The following CREG2 variants were observed in gnomAD, a reference collection of about 807,000 sequenced individuals.
The protein encoded by CREG2 is cellular repressor of E1A stimulated genes 2.
In CREG2, 24 loss-of-function variants were observed where a neutral mutation model predicts 26.2. The observed-to-expected ratio is 0.92, with a 90% CI of 0.66 to 1.29. The LOEUF (loss-of-function observed/expected upper bound fraction) is 1.29, where lower values mean the gene tolerates loss of function less well. Ranked by LOEUF, CREG2 falls within the 50% of genes most tolerant of loss-of-function variation. The pLI is 0.00. For missense variants in CREG2, 366 were observed against 398.6 expected, an observed-to-expected ratio of 0.92 and a Z score of 0.70; for synonymous variants, 174 against 169.2, an observed-to-expected ratio of 1.03 and a Z score of -0.22.
chr2:101,354,425 G>C (rs780207375), intron 3 of CREG2, among the ~76,000 whole-genome samples: 2 of 152,086 alleles, frequency 1.3e-5, no homozygotes, highest in East Asian at 1.9e-4. Flanking sequence ...TCCTTACAAG[G>C]CTTGCTTATT....
At chr2:101,355,662 G>A (rs958802376) in intron 2 of CREG2, among the ~76,000 whole-genome samples, 16 of 151,886 alleles carry the variant, frequency 1.1e-4, no homozygotes, top group Admixed American at 3.3e-4. Flanking sequence ...AAATTGAGAC[G>A]GGAAAGTTCC....
At chr2:101,377,449 A>G (rs1009241566) in intron 2 of CREG2, among the ~76,000 whole-genome samples, 1 of 152,172 alleles carries the variant, frequency 6.6e-6, no homozygotes, top group African/African-American at 2.4e-5. Context: ...AACTCATGCT[A>G]TTCAAGGCTG....
At chr2:101,375,810 G>C (rs1343554352) in intron 2 of CREG2, 1 of 154,092 alleles carries the variant, frequency 6.5e-6, no homozygotes, top group Non-Finnish European at 1.4e-5. Context: ...TTTACTCCTG[G>C]ACCTGCTCCC....
chr2:101,362,468 G>C (rs1406651380), intron 2 of CREG2, among the ~76,000 whole-genome samples: 2 of 152,110 alleles, frequency 1.3e-5, no homozygotes. Context: ...TAATTACAGG[G>C]CTTCAAGTTT....
chr2:101,387,122 C>T lies in CREG2; in HGVS notation c.336G>A (p.Gln112=), dbSNP rs1303877396. ...GMFSYRREGG[Q]TASAPPGPRL... The stretch of plus-strand genomic sequence containing the variant: ...TAGGGCCCGGGGGCGCACTGGCCGT[C>T]TGGCCGCCCTCGCGCCGGTAGGAGA... Residue 112 remains glutamine, a synonymous_variant, in exon 1 of 4, where the codon CAG becomes CAA. Transcript: ENST00000324768. This position sits in a 1 kb window ranked among gnomAD's most constrained non-coding sequence, Gnocchi z 4.7. 12 of 1,244,702 alleles carry T rather than the reference C, an allele frequency of 9.6e-6. No individual in the cohort carries two copies. Among genetic ancestry groups the T allele is most frequent in the African/African-American group, 1.6e-5 (1 of 64,302 alleles). The allele number at this position is 1,244,702 out of a possible 1,614,324, so 77.1% of individuals were successfully genotyped here. A position where few individuals can be genotyped will look rare whatever the true frequency, so the allele number is the denominator to read the frequency against.
chr2:101,379,318 A>T (rs1317248689), intron 2 of CREG2, among the ~76,000 whole-genome samples: 1 of 152,240 alleles, frequency 6.6e-6, no homozygotes, highest in Non-Finnish European at 1.5e-5. Flanking sequence ...TGACAGATTC[A>T]TTTAAAAACT....
At chr2:101,376,538 C>T (rs1684793873) in intron 2 of CREG2, among the ~76,000 whole-genome samples, 1 of 152,118 alleles carries the variant, frequency 6.6e-6, no homozygotes, top group African/African-American at 2.4e-5. Context: ...CCTCGGCCTC[C>T]CAAATTGTTG....
intron 2 of CREG2, among the ~76,000 whole-genome samples, chr2:101,363,806 T>C (rs946647199): frequency 2.0e-5 from 3 of 151,686 alleles, no homozygotes; most frequent in Non-Finnish European, 2.9e-5. Flanking sequence ...GCTATGATCA[T>C]GCCATTGCAC....
chr2:101,381,770 C>T (rs954933010), intron 2 of CREG2, among the ~76,000 whole-genome samples: 12 of 152,216 alleles, frequency 7.9e-5, no homozygotes, highest in South Asian at 4.1e-4. Context: ...CCTCCAGCCT[C>T]GAGCTGCCTC....
intron 2 of CREG2, among the ~76,000 whole-genome samples, chr2:101,355,576 A>G (rs368203851): frequency 0.044 from 6,663 of 152,200 alleles, 196 homozygotes; most frequent in Non-Finnish European, 0.066. Flanking sequence ...TGTAGGTTAG[A>G]TATCAGTCTG....
chr2:101,383,510 A>G, intron 2 of CREG2, 23 bp downstream of exon 2: 1 of 1,612,550 alleles, frequency 6.2e-7, no homozygotes, highest in Non-Finnish European at 8.5e-7. Flanking sequence ...GACCCGTGTG[A>G]GTGAGGGCAA....
intron 3 of CREG2, among the ~76,000 whole-genome samples, chr2:101,352,145 G>A (rs968179054): frequency 2.6e-5 from 4 of 151,986 alleles, no homozygotes; most frequent in African/African-American, 7.3e-5. Flanking sequence ...GCCTTCCAAA[G>A]TGCTGGAATT....
intron 3 of CREG2, among the ~76,000 whole-genome samples, chr2:101,354,650 G>A (rs946108988): frequency 2.0e-5 from 3 of 152,126 alleles, no homozygotes; most frequent in Admixed American, 2.0e-4. Flanking sequence ...GTGCATGCGC[G>A]GTCCTCTGCT....
At chr2:101,355,215 G>T in intron 3 of CREG2, 38 bp downstream of exon 3, 2 of 1,287,690 alleles carry the variant, frequency 1.6e-6, no homozygotes, top group Non-Finnish European at 2.3e-6. Context: ...TTAGTATTGT[G>T]TATTTCTGGG....
Position 101,387,452 on chromosome 2 carries a change from G to C in CREG2, c.6C>G (p.Ser2=). ...GCGCCGGCCGCCGGCCGCGGCGCAC[G>C]GACATCTTGCAGGCAGCACGCCCGG... The part of the protein sequence containing the change: M[S]VRRGRRPARP... The change falls in exon 1 of 4, where the codon TCC becomes TCG. Residue 2 remains serine (S), a synonymous_variant. Coordinates refer to ENST00000324768, the MANE Select transcript of CREG2 (RefSeq NM_153836.4). This position sits in a 1 kb window ranked among gnomAD's most constrained non-coding sequence, Gnocchi z 4.7. 6.7e-6 allele frequency: 8 copies of C among 1,191,410 alleles called. No individual in the cohort carries two copies. In the South Asian group the frequency reaches 2.0e-4, roughly 30 times the overall value. 73.8% of individuals were successfully genotyped at this position (1,191,410 alleles called of 1,614,324 possible).
rs1684369260 is a variant in CREG2 at position 101,350,760 on chromosome 2, A to G, written c.*163T>C. The G allele has an allele frequency of 8.8e-6, 6 of 685,692 alleles. No homozygotes were observed. The highest frequency in any genetic ancestry group is 1.5e-5 in the Non-Finnish European group (6 of 400,864). 42.5% of individuals were successfully genotyped at this position (685,692 alleles called of 1,614,324 possible). A position where few individuals can be genotyped will look rare whatever the true frequency, so the allele number is the denominator to read the frequency against. ...CTGCAAATGACCACTTTAATCTCAA[A>G]TCTAGCATAGAGTTCCCTGTTCACC... On this transcript the variant is annotated 3_prime_UTR_variant, in exon 4 of 4. Coordinates refer to ENST00000324768, the MANE Select transcript of CREG2 (RefSeq NM_153836.4).
chr2:101,368,947 A>G (rs375666853), intron 2 of CREG2, among the ~76,000 whole-genome samples: 16 of 152,232 alleles, frequency 1.1e-4, no homozygotes, highest in African/African-American at 3.9e-4. Context: ...TGTTACTGTT[A>G]TTTGCACAGA....
At position 101,349,531 on chromosome 2, in the gene CREG2, G is replaced by A. The variant is rs1573297922; in HGVS notation, c.*1392C>T. The stretch of plus-strand genomic sequence containing the variant: ...CAACCTCCCTAACCTACCAAAGAAA[G>A]TTTGTAGCCATTACAGAAAGACAGA... On this transcript the variant is annotated 3_prime_UTR_variant, in exon 4 of 4. Transcript: ENST00000324768. 6.6e-6 allele frequency: 1 copy of A among 152,508 alleles called. No individual in the cohort carries two copies. Among genetic ancestry groups the A allele is most frequent in the Admixed American group, 6.6e-5 (1 of 15,262 alleles). 9.4% of individuals were successfully genotyped at this position (152,508 alleles called of 1,614,324 possible). A position where few individuals can be genotyped will look rare whatever the true frequency, so the allele number is the denominator to read the frequency against.
chr2:101,370,115 C>A (rs567693314), intron 2 of CREG2, among the ~76,000 whole-genome samples: 1 of 152,118 alleles, frequency 6.6e-6, no homozygotes, highest in Non-Finnish European at 1.5e-5. Flanking sequence ...TAAGCAAGTC[C>A]TTCACACCCT....
Sources: gnomAD v4.1 joint callset for allele counts (sites outside exome capture counted in the v4.1 genomes callset) on GRCh38, gnomAD v4.1.1 for gene constraint, Gnocchi (gnomAD v3.1) non-coding constraint, MANE v1.5 for transcripts, NCBI Gene and HGNC (gene_info 2026-07-23, HGNC 2026-07-21) for gene names.